The following PTPN14 variants were observed in gnomAD, a reference collection of about 807,000 sequenced individuals.
PTPN14 encodes the protein tyrosine-protein phosphatase non-receptor type 14.
PTPN14 carries 53 observed loss-of-function variants against 126.8 expected under a neutral mutation model. The observed-to-expected ratio is 0.42, with a 90% CI of 0.34 to 0.53. PTPN14 has a LOEUF of 0.53. Ranked by LOEUF, PTPN14 falls within the 20% of genes least tolerant of loss-of-function variation. The pLI is 0.08. For missense variants in PTPN14, 1,257 were observed against 1,552.9 expected, an observed-to-expected ratio of 0.81 and a Z score of 3.20; for synonymous variants, 630 against 599.3, an observed-to-expected ratio of 1.05 and a Z score of -0.75.
intron 3 of PTPN14, among the ~76,000 whole-genome samples, chr1:214,421,275 C>T (rs1004253087): frequency 2.0e-5 from 3 of 152,246 alleles, no homozygotes; most frequent in Admixed American, 6.5e-5. Context: ...AGGCATTATG[C>T]TAAGTAAAAG....
At position 214,455,548 on chromosome 1, in the gene PTPN14, G is replaced by A. The variant is rs540950678; in HGVS notation, c.175-3574C>T. On this transcript the variant is annotated intron_variant, in intron 2 of 18. Transcript: ENST00000366956. ...AAGAAAACTAGAACACACAGCTCTGGTGCCATGAGTTCTGCAATAAGTTTA... is the reference window on the plus strand; with the variant it reads ...AAGAAAACTAGAACACACAGCTCTGATGCCATGAGTTCTGCAATAAGTTTA... Among the ~76,000 whole-genome samples the A allele has an allele frequency of 1.6e-4, 25 of 152,166 alleles. No homozygotes were observed. The East Asian group carries it at 3.1e-3, about 19-fold the overall frequency.
intron 3 of PTPN14, among the ~76,000 whole-genome samples, chr1:214,442,608 A>C (rs533840331): frequency 1.3e-5 from 2 of 152,210 alleles, no homozygotes; most frequent in Non-Finnish European, 2.9e-5. Flanking sequence ...ACCTACAATA[A>C]ATAATAAGTT....
intron 17 of PTPN14, among the ~76,000 whole-genome samples, chr1:214,369,010 C>A (rs1322895367): frequency 3.3e-5 from 5 of 152,126 alleles, no homozygotes; most frequent in African/African-American, 1.2e-4. Context: ...TCCCAATCCC[C>A]CTTTGCCCCA....
At chr1:214,498,168 T>C (rs1177171947) in intron 1 of PTPN14, among the ~76,000 whole-genome samples, 5 of 152,364 alleles carry the variant, frequency 3.3e-5, no homozygotes, top group South Asian at 4.1e-4. Context: ...CTACTGAATG[T>C]TATTGTTTCT....
At chr1:214,373,371 T>G (rs540641645) in intron 15 of PTPN14, among the ~76,000 whole-genome samples, 75 of 152,272 alleles carry the variant, frequency 4.9e-4, no homozygotes, top group Non-Finnish European at 7.9e-4. Context: ...GATCTTTGTT[T>G]GCAACTCACA....
intron 1 of PTPN14, among the ~76,000 whole-genome samples, chr1:214,473,854 T>C (rs1660813062): frequency 6.6e-6 from 1 of 152,200 alleles, no homozygotes; most frequent in Admixed American, 6.5e-5. Context: ...TATCAATCAG[T>C]TTTAGAGCTG....
intron 1 of PTPN14, among the ~76,000 whole-genome samples, chr1:214,542,124 T>C (rs1655852547): frequency 2.0e-5 from 3 of 152,126 alleles, no homozygotes; most frequent in South Asian, 2.1e-4. Flanking sequence ...TATATATGTA[T>C]GTATGTTATA....
chr1:214,505,176 G>A (rs1295839837), intron 1 of PTPN14, among the ~76,000 whole-genome samples: 39 of 140,460 alleles, frequency 2.8e-4, no homozygotes, highest in Non-Finnish European at 5.7e-4. Context: ...GTGAATACCC[G>A]CCAGGGAAAA....
At chr1:214,387,005 G>C (rs963008936) in intron 11 of PTPN14, 83 bp from the exon 12 acceptor site, 12 of 1,274,534 alleles carry the variant, frequency 9.4e-6, no homozygotes, top group Non-Finnish European at 1.2e-5. Context: ...GCACACGGCA[G>C]TCCCGCCACG....
chr1:214,413,424 C>G (rs1264757603), intron 4 of PTPN14, among the ~76,000 whole-genome samples: 2 of 152,120 alleles, frequency 1.3e-5, no homozygotes, highest in East Asian at 3.9e-4. Context: ...GTTAATACTT[C>G]AGAATGAAAG....
chr1:214,508,175 A>C (rs1188876354), intron 1 of PTPN14, among the ~76,000 whole-genome samples: 1 of 152,200 alleles, frequency 6.6e-6, no homozygotes, highest in Non-Finnish European at 1.5e-5. Context: ...GAAGTTTGCC[A>C]CATCAGTTGA....
chr1:214,521,001 A>C (rs950542938), intron 1 of PTPN14, among the ~76,000 whole-genome samples: 2 of 152,176 alleles, frequency 1.3e-5, no homozygotes, highest in Non-Finnish European at 2.9e-5. Context: ...ACAATGCCTA[A>C]CAGCTCCACA....
chr1:214,499,214 G>T (rs1654618377), intron 1 of PTPN14, among the ~76,000 whole-genome samples: 1 of 152,062 alleles, frequency 6.6e-6, no homozygotes, highest in Admixed American at 6.6e-5. Context: ...CCTAGAAACT[G>T]CACCACAGAG....
intron 1 of PTPN14, among the ~76,000 whole-genome samples, chr1:214,484,042 A>C (rs142821315): frequency 6.6e-6 from 1 of 152,366 alleles, no homozygotes; most frequent in African/African-American, 2.4e-5. Context: ...GAAATCGTAG[A>C]ATGGGTCTAG....
At chr1:214,372,434 T>C in intron 16 of PTPN14, 1 of 368,378 alleles carries the variant, frequency 2.7e-6, no homozygotes, top group Non-Finnish European at 4.9e-6. Context: ...TGGTTTTCTG[T>C]TGTTTTATTT....
chr1:214,359,444 G>A (rs1161429967), intron 18 of PTPN14, among the ~76,000 whole-genome samples: 6 of 148,680 alleles, frequency 4.0e-5, no homozygotes, highest in African/African-American at 9.9e-5. Flanking sequence ...GGCTGGTCTC[G>A]AACTCCTGAC....
In PTPN14 at chr1:214,357,907, G is replaced by C. The variant is rs1412237150; in HGVS notation, c.*15C>G. 6.2e-7 allele frequency: 1 copy of C among 1,609,398 alleles called. No homozygotes were observed. The highest frequency in any genetic ancestry group is 8.5e-7 in the Non-Finnish European group (1 of 1,177,140). On this transcript the variant is annotated 3_prime_UTR_variant, in exon 19 of 19. Transcript: ENST00000366956. ...ATGGAGCTGGGTCCCTCCTCCAGGAGCTGGATTGGGGTGATTAAATGAGTC... is the reference window on the plus strand; with the variant it reads ...ATGGAGCTGGGTCCCTCCTCCAGGACCTGGATTGGGGTGATTAAATGAGTC...
chr1:214,354,308 G>A lies in PTPN14; in HGVS notation c.*3614C>T, dbSNP rs1657766261. Reference sequence around the variant, plus strand: ...TTACGATTCAAAATATTCCACATAGGTATTTTTACCTTCCCTGATCTTATT... The same window carrying A: ...TTACGATTCAAAATATTCCACATAGATATTTTTACCTTCCCTGATCTTATT... On this transcript the variant is annotated 3_prime_UTR_variant, in exon 19 of 19. Transcript: ENST00000366956. The A allele has an allele frequency of 6.6e-6, 1 of 152,146 alleles. No individual in the cohort carries two copies. The highest frequency in any genetic ancestry group is 1.5e-5 in the Non-Finnish European group (1 of 68,026). The allele number at this position is 152,146 out of a possible 1,614,324, so 9.4% of individuals were successfully genotyped here. A position where few individuals can be genotyped will look rare whatever the true frequency, so the allele number is the denominator to read the frequency against.
At position 214,383,681 on chromosome 1, in the gene PTPN14, G is replaced by C; in HGVS notation, c.2174C>G (p.Pro725Arg). 6.2e-7 allele frequency: 1 copy of C among 1,613,386 alleles called. No homozygotes were observed. The highest frequency in any genetic ancestry group is 8.5e-7 in the Non-Finnish European group (1 of 1,180,026). ...EEAPESVPQIPMLREKMEYSA... is the reference protein window; with the variant it reads ...EEAPESVPQIRMLREKMEYSA... ...GTACTCCATCTTCTCCCGGAGCATG[G>C]GGATCTGGGGCACCGATTCTGGAGC... The change falls in exon 13 of 19, where the codon CCC becomes CGC. Residue 725 changes from proline to arginine, a missense_variant. By Grantham distance (103) the Pro-to-Arg change is moderately radical (BLOSUM62 -2). Transcript: ENST00000366956. The surrounding 1 kb of genome is among the most constrained non-coding windows in gnomAD (Gnocchi z 4.4).
Sources: allele counts gnomAD v4.1 joint callset (sites outside exome capture counted in the v4.1 genomes callset), GRCh38; gene constraint gnomAD v4.1.1; non-coding constraint Gnocchi (gnomAD v3.1); transcripts MANE v1.5; gene names NCBI Gene and HGNC (gene_info 2026-07-23, HGNC 2026-07-21).